Variants in MLLT3 observed in about 807,000 individuals in gnomAD.
The protein encoded by MLLT3 is MLLT3 super elongation complex subunit.
MLLT3 carries 4 observed loss-of-function variants against 53.2 expected under a neutral mutation model. The ratio of observed to expected loss-of-function variants is 0.08; its 90% confidence interval spans 0.04 to 0.17. The LOEUF (loss-of-function observed/expected upper bound fraction) is 0.17. Ranked by LOEUF, MLLT3 falls within the 10% of genes least tolerant of loss-of-function variation. The pLI, the probability that MLLT3 is intolerant of heterozygous loss-of-function variation, is 1.00. For missense variants in MLLT3, 569 were observed against 684.0 expected (o/e 0.83, Z 1.87); for synonymous variants, 283 against 230.6 (o/e 1.23, Z -2.06).
intron 2 of MLLT3, among the ~76,000 whole-genome samples, chr9:20,547,629 A>G (rs1818821249): frequency 7.8e-6 from 1 of 127,398 alleles, no homozygotes; most frequent in Non-Finnish European, 1.6e-5. Flanking sequence ...GGACAACAAG[A>G]GTGAAACTCC....
intron 5 of MLLT3, among the ~76,000 whole-genome samples, chr9:20,373,194 C>T (rs1443664103): frequency 1.3e-5 from 2 of 152,128 alleles, no homozygotes; most frequent in Non-Finnish European, 2.9e-5. Flanking sequence ...CACTGCTGTT[C>T]TAATGGCAGC....
chr9:20,436,960 G>T (rs1823421825), intron 4 of MLLT3, among the ~76,000 whole-genome samples: 1 of 152,044 alleles, frequency 6.6e-6, no homozygotes, highest in Admixed American at 6.6e-5. Flanking sequence ...TATCCTGGTA[G>T]ATGGTACCAA....
intron 5 of MLLT3, among the ~76,000 whole-genome samples, chr9:20,368,110 T>G (rs888538177): frequency 6.6e-6 from 1 of 152,210 alleles, no homozygotes; most frequent in Non-Finnish European, 1.5e-5. Context: ...GCACAATGTC[T>G]TACACATTGC....
chr9:20,377,856 A>AT (rs1821808127), intron 5 of MLLT3, among the ~76,000 whole-genome samples: 1 of 152,108 alleles, frequency 6.6e-6, no homozygotes, highest in African/African-American at 2.4e-5. Context: ...AGACTACCTC[A>AT]TCTTCACCAG....
At chr9:20,391,083 T>G (rs1334249762) in intron 5 of MLLT3, among the ~76,000 whole-genome samples, 2 of 152,238 alleles carry the variant, frequency 1.3e-5, no homozygotes, top group Non-Finnish European at 2.9e-5. Flanking sequence ...CAGATCAAGA[T>G]ACAGAACAGT....
intron 2 of MLLT3, among the ~76,000 whole-genome samples, chr9:20,555,049 G>A (rs1248831756): frequency 1.3e-5 from 2 of 152,124 alleles, no homozygotes; most frequent in Admixed American, 6.5e-5. Context: ...GTCAGCTGGT[G>A]TCGAATTAAG....
rs141940009 is a variant in MLLT3, at chr9:20,583,142, C to A, written c.193+37512G>T. ...ATACAACCATTCCAAATGGGAGAAA[C>A]TGGCCAAACAAAGGAGTTACAGGGC... On this transcript the variant is annotated intron_variant, in intron 2 of 10. Transcript: ENST00000380338. 4.7e-3 allele frequency among the ~76,000 whole-genome samples: 709 copies of A among 152,214 alleles called. 2 individuals carry two copies. The highest frequency in any genetic ancestry group is 0.015 in the African/African-American group (623 of 41,512).
At chr9:20,513,157 G>T (rs1402265919) in intron 2 of MLLT3, among the ~76,000 whole-genome samples, 2 of 152,124 alleles carry the variant, frequency 1.3e-5, no homozygotes, top group Non-Finnish European at 2.9e-5. Context: ...CTTCATCCTG[G>T]CAGACAGCCT....
chr9:20,456,885 C>A (rs554551733), intron 2 of MLLT3, 99 bp from the exon 3 acceptor site: 2 of 868,736 alleles, frequency 2.3e-6, no homozygotes, highest in Non-Finnish European at 3.5e-6. Flanking sequence ...CTAGATCACA[C>A]GCAATTTTCA....
chr9:20,420,753 T>G (rs537961746), intron 4 of MLLT3, among the ~76,000 whole-genome samples: 161 of 152,328 alleles, frequency 1.1e-3, no homozygotes, highest in Admixed American at 2.5e-3. Context: ...CGCGCAGGTT[T>G]GTTACATATG....
intron 2 of MLLT3, among the ~76,000 whole-genome samples, chr9:20,483,068 C>A (rs1239102363): frequency 1.3e-5 from 2 of 151,412 alleles, no homozygotes; most frequent in Admixed American, 1.3e-4. Context: ...GAAAAAAAAA[C>A]AAACTGTGGA....
chr9:20,569,781 C>T (rs1382547573), intron 2 of MLLT3, among the ~76,000 whole-genome samples: 2 of 152,148 alleles, frequency 1.3e-5, no homozygotes, highest in Non-Finnish European at 2.9e-5. Flanking sequence ...CTATTTCAGT[C>T]CCTGTTTAGT....
At chr9:20,394,859 T>C (rs1822280500) in intron 5 of MLLT3, among the ~76,000 whole-genome samples, 1 of 152,110 alleles carries the variant, frequency 6.6e-6, no homozygotes, top group South Asian at 2.1e-4. Flanking sequence ...ATTTCAACTT[T>C]TTAAAATGGG....
In MLLT3 at chr9:20,342,980, C is replaced by A. The variant is rs1286209537; in HGVS notation, c.*3463G>T. On this transcript the variant is annotated 3_prime_UTR_variant, in exon 11 of 11. Transcript: ENST00000380338. ...AGTGACAAAAATAAACACGAGCCAC[C>A]AAACAGACACTGACTGTTTCCAACA... The A allele has an allele frequency of 5.2e-6, 1 of 191,316 alleles. No individual in the cohort carries two copies. The highest frequency in any genetic ancestry group is 6.2e-5 in the Admixed American group (1 of 16,106). The allele number at this position is 191,316 out of a possible 1,614,324, so 11.9% of individuals were successfully genotyped here.
intron 7 of MLLT3, chr9:20,362,679 C>A (rs911141172): frequency 7.0e-6 from 1 of 143,578 alleles, no homozygotes; most frequent in African/African-American, 2.7e-5. Context: ...TAGGAAGCAT[C>A]GGTCTCTCCA....
intron 2 of MLLT3, among the ~76,000 whole-genome samples, chr9:20,516,508 G>C (rs1401840969): frequency 1.3e-5 from 2 of 152,148 alleles, no homozygotes; most frequent in Non-Finnish European, 2.9e-5. Context: ...GAATGCTATT[G>C]ATGCTATTGT....
At chr9:20,456,555 AATG>A in intron 3 of MLLT3, 146 bp downstream of exon 3, 1 of 614,224 alleles carries the variant, frequency 1.6e-6, no homozygotes, top group Non-Finnish European at 2.8e-6. Context: ...AATTAAGGGT[AATG>A]ATAGCCAAAA....
chr9:20,446,528 T>C (rs1170888081), intron 4 of MLLT3, among the ~76,000 whole-genome samples: 1 of 152,180 alleles, frequency 6.6e-6, no homozygotes, highest in Non-Finnish European at 1.5e-5. Context: ...CATATTTACG[T>C]TTTCCTACGA....
At chr9:20,584,596 C>G (rs757407831) in intron 2 of MLLT3, among the ~76,000 whole-genome samples, 17 of 152,152 alleles carry the variant, frequency 1.1e-4, no homozygotes, top group Non-Finnish European at 2.1e-4. Context: ...ATGGCAGCAG[C>G]AAGAGATAAA....
Sources: allele counts gnomAD v4.1 joint callset (sites outside exome capture counted in the v4.1 genomes callset), GRCh38; gene constraint gnomAD v4.1.1; transcripts MANE v1.5; gene names NCBI Gene and HGNC (gene_info 2026-07-23, HGNC 2026-07-21).